Variants in SETBP1 observed in about 807,000 individuals in gnomAD.
The protein encoded by SETBP1 is SET binding protein 1, also known as SET-binding protein.
SETBP1 carries 9 observed loss-of-function variants against 101.0 expected under a neutral mutation model. That is an observed-to-expected ratio of 0.09 (90% CI 0.05 to 0.16). The LOEUF (loss-of-function observed/expected upper bound fraction) is 0.16, where lower values mean the gene tolerates loss of function less well. Ranked by LOEUF, SETBP1 falls within the 10% of genes least tolerant of loss-of-function variation. SETBP1 has a pLI of 1.00. For missense variants in SETBP1, 1,858 were observed against 2,033.8 expected, an observed-to-expected ratio of 0.91 and a Z score of 1.66; for synonymous variants, 818 against 788.5, an observed-to-expected ratio of 1.04 and a Z score of -0.63.
rs543419561 is a variant in SETBP1, at chr18:45,010,155, G to A, written c.4001-28330G>A. 3.7e-4 allele frequency among the ~76,000 whole-genome samples: 56 copies of A among 152,236 alleles called. No homozygotes were observed. In the South Asian group the frequency reaches 8.1e-3, roughly 22 times the overall value. The stretch of plus-strand genomic sequence containing the variant: ...TCCATCTGCTTCTATCCCACCCCAC[G>A]AAGCTTGTTTTGACATGAACTGCTG... On this transcript the variant is annotated intron_variant, in intron 4 of 5. Transcript: ENST00000649279.
chr18:44,862,246 C>A (rs1329765707), intron 2 of SETBP1, among the ~76,000 whole-genome samples: 3 of 152,046 alleles, frequency 2.0e-5, no homozygotes, highest in Non-Finnish European at 4.4e-5. Context: ...TTTAAAGAAG[C>A]AATAAAAGAA....
intron 2 of SETBP1, among the ~76,000 whole-genome samples, chr18:44,711,728 GAGATAGGTCTTGCTATGTTGCCC>G: frequency 7.7e-6 from 1 of 129,384 alleles, no homozygotes; most frequent in African/African-American, 3.0e-5. Flanking sequence ...TTTTTTGGTA[GAGATAGGTCTTGCTATGTTGCCC>G]AGGCTGGTCC....
chr18:44,696,989 G>A (rs1163076199), intron 1 of SETBP1, among the ~76,000 whole-genome samples: 3 of 151,822 alleles, frequency 2.0e-5, no homozygotes, highest in East Asian at 3.9e-4. Flanking sequence ...CCCCACTGCC[G>A]CCCCTGCCCA....
intron 2 of SETBP1, among the ~76,000 whole-genome samples, chr18:44,706,691 C>T (rs909000464): frequency 3.6e-5 from 5 of 139,562 alleles, no homozygotes; most frequent in East Asian, 2.4e-4. Flanking sequence ...TCTTCTCTTT[C>T]GTGAGGATGT....
At chr18:45,058,442 G>T (rs1233500669) in intron 5 of SETBP1, among the ~76,000 whole-genome samples, 2 of 152,172 alleles carry the variant, frequency 1.3e-5, no homozygotes. Flanking sequence ...CACATTTGGG[G>T]ATGCAATTAA....
At chr18:44,983,307 C>A (rs2072156101) in intron 4 of SETBP1, among the ~76,000 whole-genome samples, 1 of 152,126 alleles carries the variant, frequency 6.6e-6, no homozygotes, top group African/African-American at 2.4e-5. Context: ...CAAGTTCATT[C>A]CAATAATAAT....
At chr18:44,936,285 C>T (rs1474691606) in intron 3 of SETBP1, among the ~76,000 whole-genome samples, 18 of 152,108 alleles carry the variant, frequency 1.2e-4, no homozygotes, top group Non-Finnish European at 1.9e-4. Flanking sequence ...CCCGGGGCAG[C>T]GGGTCCTCGG....
At chr18:44,859,040 GAGGAAAGA>G (rs1482236306) in intron 2 of SETBP1, among the ~76,000 whole-genome samples, 2 of 150,906 alleles carry the variant, frequency 1.3e-5, no homozygotes, top group African/African-American at 2.4e-5. Flanking sequence ...GGAAGGAAGA[GAGGAAAGA>G]AGGAAAGAAG....
At chr18:44,877,243 A>C (rs1372180173) in intron 3 of SETBP1, 2 of 656,354 alleles carry the variant, frequency 3.0e-6, no homozygotes, top group African/African-American at 2.0e-5. Context: ...ATATCCAAGC[A>C]TGTGATTGTT....
intron 3 of SETBP1, among the ~76,000 whole-genome samples, chr18:44,903,300 C>A (rs964452452): frequency 6.6e-6 from 1 of 152,178 alleles, no homozygotes; most frequent in African/African-American, 2.4e-5. Context: ...CATGCATACA[C>A]CTGCTGCCCA....
At chr18:44,707,140 A>T (rs1197287450) in intron 2 of SETBP1, among the ~76,000 whole-genome samples, 2 of 152,174 alleles carry the variant, frequency 1.3e-5, no homozygotes, top group African/African-American at 2.4e-5. Context: ...TTTCCTATGA[A>T]GCCAATTCTA....
At chr18:44,861,018 A>G (rs904772338) in intron 2 of SETBP1, among the ~76,000 whole-genome samples, 5 of 152,056 alleles carry the variant, frequency 3.3e-5, no homozygotes, top group Admixed American at 3.3e-4. Context: ...ATTTTTTACA[A>G]AGCTTTAATT....
chr18:44,700,654 T>C (rs1453932151), intron 1 of SETBP1, among the ~76,000 whole-genome samples: 1 of 152,070 alleles, frequency 6.6e-6, no homozygotes, highest in Non-Finnish European at 1.5e-5. Context: ...AAAGGTAAAA[T>C]GGTTAAGAGA....
intron 4 of SETBP1, among the ~76,000 whole-genome samples, chr18:44,971,297 C>A (rs1040255876): frequency 1.4e-4 from 21 of 152,244 alleles, no homozygotes; most frequent in African/African-American, 4.6e-4. Context: ...TGGGTTGGTT[C>A]CAAGTCTTTG....
At chr18:45,062,337 C>T (rs1419134795) in intron 5 of SETBP1, among the ~76,000 whole-genome samples, 1 of 152,144 alleles carries the variant, frequency 6.6e-6, no homozygotes, top group African/African-American at 2.4e-5. Flanking sequence ...CTGATACTTC[C>T]CTTGAGGTTC....
chr18:44,993,831 C>T (rs934261491), intron 4 of SETBP1, among the ~76,000 whole-genome samples: 9 of 151,892 alleles, frequency 5.9e-5, no homozygotes, highest in South Asian at 2.1e-4. Context: ...GAAGAAAAGG[C>T]GGAGGACTTA....
chr18:44,786,063 G>A (rs1351799717), intron 2 of SETBP1, among the ~76,000 whole-genome samples: 1 of 151,940 alleles, frequency 6.6e-6, no homozygotes, highest in Non-Finnish European at 1.5e-5. Flanking sequence ...ATCAATCTCA[G>A]TATTGATTTT....
At chr18:44,808,091 C>T (rs778304986) in intron 2 of SETBP1, among the ~76,000 whole-genome samples, 1 of 152,176 alleles carries the variant, frequency 6.6e-6, no homozygotes, top group Non-Finnish European at 1.5e-5. Context: ...TCTGGAGGCT[C>T]CTGTCGTTCC....
In SETBP1 at chr18:44,967,873, A is replaced by G. The variant is rs375271529; in HGVS notation, c.4000+14533A>G. On this transcript the variant is annotated intron_variant, in intron 4 of 5. Transcript: ENST00000649279. Reference sequence around the variant, plus strand: ...TCTCCCACACCTTCTGGCTTTGCACATGCCATTTCTCTCTCTCAGAACACC... The same window carrying G: ...TCTCCCACACCTTCTGGCTTTGCACGTGCCATTTCTCTCTCTCAGAACACC... Among the ~76,000 whole-genome samples the G allele has an allele frequency of 7.9e-5, 12 of 152,318 alleles. 1 individual carries two copies. Among genetic ancestry groups the G allele is most frequent in the African/African-American group, 2.9e-4 (12 of 41,570 alleles).
Sources: allele counts gnomAD v4.1 joint callset (sites outside exome capture counted in the v4.1 genomes callset), GRCh38; gene constraint gnomAD v4.1.1; transcripts MANE v1.5; gene names NCBI Gene and HGNC (gene_info 2026-07-23, HGNC 2026-07-21).